MARCHF7: variants seen among roughly 807,000 people sequenced by gnomAD.
MARCHF7 encodes membrane associated ring-CH-type finger 7.
A neutral mutation model predicts 76.5 loss-of-function variants in MARCHF7; 20 were observed. The observed-to-expected ratio is 0.26, with a 90% CI of 0.18 to 0.38. The LOEUF is 0.38. Among genes scored for constraint, MARCHF7 ranks in the 10% least tolerant of loss-of-function variants. MARCHF7 has a pLI of 1.00. For synonymous variants in MARCHF7, 295 were observed against 293.0 expected (o/e 1.01, Z -0.07); for missense variants, 797 against 812.9 (o/e 0.98, Z 0.24).
intron 9 of MARCHF7, 39 bp downstream of exon 9, chr2:159,759,374 A>G (rs758784394): frequency 2.3e-5 from 24 of 1,064,520 alleles, no homozygotes; most frequent in African/African-American, 3.2e-5. Flanking sequence ...TGTCTATTCT[A>G]TGCTTCAAGG....
At chr2:159,764,215 TGTG>T (rs1707455773) in intron 10 of MARCHF7, among the ~76,000 whole-genome samples, 1 of 28,720 alleles carries the variant, frequency 3.5e-5, no homozygotes, top group Non-Finnish European at 9.1e-5. Context: ...GGGAGTTTTG[TGTG>T]TGTGTGTGTG....
chr2:159,753,244 G>A (rs1705870722), intron 8 of MARCHF7, among the ~76,000 whole-genome samples: 1 of 152,116 alleles, frequency 6.6e-6, no homozygotes, highest in African/African-American at 2.4e-5. Context: ...TGTGGCTGGT[G>A]TATAATTAGT....
At chr2:159,715,097 T>C (rs564542896) in intron 2 of MARCHF7, among the ~76,000 whole-genome samples, 1 of 152,346 alleles carries the variant, frequency 6.6e-6, no homozygotes, top group Admixed American at 6.5e-5. Context: ...ATGCACAGCG[T>C]TGCATTAGAC....
At chr2:159,756,151 A>G (rs750042001) in intron 8 of MARCHF7, among the ~76,000 whole-genome samples, 2 of 152,218 alleles carry the variant, frequency 1.3e-5, no homozygotes, top group Non-Finnish European at 2.9e-5. Context: ...GTTAGCTATT[A>G]CCAAAATGAA....
In MARCHF7 at chr2:159,728,998, T is replaced by G. The variant is rs75012074; in HGVS notation, c.-14-11T>G. 2.6e-3 allele frequency: 4,000 copies of G among 1,529,736 alleles called. 93 individuals are homozygous for G. In the African/African-American group the frequency reaches 0.049, roughly 19 times the overall value. 94.8% of individuals were successfully genotyped at this position (1,529,736 alleles called of 1,614,324 possible). ...TCCCAAAGGCAATTAATGAAAATTT[T>G]TATTTCACAGAAAAATCTTTAAGAA... is the stretch of plus-strand genomic sequence containing the variant. On this transcript the variant is annotated splice_polypyrimidine_tract_variant and intron_variant, in intron 3 of 11. Transcript: ENST00000409175.
chr2:159,736,662 G>A (rs563173656), intron 4 of MARCHF7, among the ~76,000 whole-genome samples: 70 of 152,252 alleles, frequency 4.6e-4, no homozygotes, highest in African/African-American at 1.5e-3. Context: ...TTATACAATA[G>A]TAATAGTAAA....
At chr2:159,712,891 C>T (rs1279427058) in intron 1 of MARCHF7, among the ~76,000 whole-genome samples, 2 of 152,072 alleles carry the variant, frequency 1.3e-5, no homozygotes, top group East Asian at 3.9e-4. Context: ...GTGCAGGGGA[C>T]AGATTGTGTG....
chr2:159,742,639 A>G (rs1478446485), intron 4 of MARCHF7, among the ~76,000 whole-genome samples: 1 of 152,148 alleles, frequency 6.6e-6, no homozygotes, highest in African/African-American at 2.4e-5. Flanking sequence ...AGAAGGAACA[A>G]AGACTAAAGA....
chr2:159,743,768 A>G (rs1279210063), intron 5 of MARCHF7, among the ~76,000 whole-genome samples: 3 of 149,554 alleles, frequency 2.0e-5, no homozygotes, highest in Admixed American at 6.7e-5. Context: ...TTAGCTGGGC[A>G]TGGTGGTGCA....
rs1047363728 is a variant in MARCHF7 at position 159,770,118 on chromosome 2, T to G, written c.*2776T>G. ...TTTAGAACTCTTTTAGTTCACATAA[T>G]ACGCCATATTTTTTTTACTGTGCCT... On this transcript the variant is annotated 3_prime_UTR_variant, in exon 12 of 12. Coordinates refer to ENST00000409175, the MANE Select transcript of MARCHF7 (RefSeq NM_001282805.2). 1 of 118,550 alleles carries G rather than the reference T, an allele frequency of 8.4e-6. No individual in the cohort carries two copies. The highest frequency in any genetic ancestry group is 4.3e-5 in the African/African-American group (1 of 23,212). The allele number at this position is 118,550 out of a possible 1,614,324, so 7.3% of individuals were successfully genotyped here.
rs143495738 is a variant in MARCHF7, at chr2:159,748,466, T to C, written c.1176T>C (p.Asn392=). ...TGPWLSSSLR[N]RCTPLFSRRR... ...CATGGTTATCTTCCTCACTTAGAAA[T>C]AGATGCACACCTTTGTTCTCTAGAA... The change falls in exon 7 of 12, where the codon AAT becomes AAC. Residue 392 remains asparagine, a synonymous_variant. Coordinates refer to ENST00000409175, the MANE Select transcript of MARCHF7 (RefSeq NM_001282805.2). The C allele has an allele frequency of 1.7e-4, 273 of 1,614,004 alleles. No individual in the cohort carries two copies. Among genetic ancestry groups the C allele is most frequent in the Non-Finnish European group, 2.2e-4 (257 of 1,180,012 alleles).
At chr2:159,756,408 C>T (rs967781124) in intron 8 of MARCHF7, among the ~76,000 whole-genome samples, 1 of 152,014 alleles carries the variant, frequency 6.6e-6, no homozygotes, top group Non-Finnish European at 1.5e-5. Context: ...ACAGATGGGC[C>T]AGGCATGGTG....
chr2:159,762,743 G>T, intron 9 of MARCHF7, 137 bp from the exon 10 acceptor site: 1 of 403,034 alleles, frequency 2.5e-6, no homozygotes. Flanking sequence ...TCAATAAATG[G>T]CATTGTGTCC....
At chr2:159,733,442 T>G (rs2125445436) in intron 4 of MARCHF7, 1 of 763,628 alleles carries the variant, frequency 1.3e-6, no homozygotes, top group East Asian at 1.3e-4. Context: ...CTCACTGTAT[T>G]GACCAGGCTG....
intron 5 of MARCHF7, among the ~76,000 whole-genome samples, chr2:159,744,032 G>A (rs1343311331): frequency 8.2e-6 from 1 of 121,870 alleles, no homozygotes; most frequent in Non-Finnish European, 1.6e-5. Context: ...CTGTCGCCCA[G>A]GCTGGAGTGC....
At chr2:159,732,870 G>A in intron 4 of MARCHF7, 1 of 985,184 alleles carries the variant, frequency 1.0e-6, no homozygotes, top group Non-Finnish European at 1.2e-6. Context: ...GTGAAATGGT[G>A]ATAGTGATAG....
At chr2:159,741,262 T>A (rs1345865243) in intron 4 of MARCHF7, among the ~76,000 whole-genome samples, 1 of 152,064 alleles carries the variant, frequency 6.6e-6, no homozygotes, top group Middle Eastern at 3.2e-3. Context: ...CCAGCTACTC[T>A]GGAGACTGAG....
intron 7 of MARCHF7, among the ~76,000 whole-genome samples, chr2:159,749,705 A>T (rs1181971494): frequency 1.3e-5 from 2 of 150,854 alleles, no homozygotes; most frequent in Non-Finnish European, 3.0e-5. Flanking sequence ...AATAGATAAG[A>T]ATTAATAACT....
chr2:159,743,383 A>C, intron 5 of MARCHF7, 130 bp downstream of exon 5: 1 of 770,870 alleles, frequency 1.3e-6, no homozygotes, highest in Non-Finnish European at 2.0e-6. Context: ...GGAATTTCCA[A>C]AATCTTACTT....
Sources: allele counts gnomAD v4.1 joint callset (sites outside exome capture counted in the v4.1 genomes callset), GRCh38; gene constraint gnomAD v4.1.1; transcripts MANE v1.5; gene names NCBI Gene and HGNC (gene_info 2026-07-23, HGNC 2026-07-21).